Variants in WDR45B observed in about 807,000 individuals in gnomAD.
The protein encoded by WDR45B is WD repeat domain phosphoinositide-interacting protein 3.
Under a neutral mutation model 44.6 loss-of-function variants are expected in WDR45B, and 20 were observed. That is an observed-to-expected ratio of 0.45 (90% CI 0.32 to 0.65). The LOEUF (loss-of-function observed/expected upper bound fraction) is 0.65. Among genes scored for constraint, WDR45B ranks in the 30% least tolerant of loss-of-function variants. The probability of loss-of-function intolerance (pLI) is 0.05; values close to 1 mark genes in which losing one functional copy is unlikely to be tolerated. For missense variants in WDR45B, 323 were observed against 430.2 expected, an observed-to-expected ratio of 0.75 and a Z score of 2.20; for synonymous variants, 169 against 164.9, an observed-to-expected ratio of 1.02 and a Z score of -0.19.
At chr17:82,634,100 G>A (rs574731373) in intron 2 of WDR45B, among the ~76,000 whole-genome samples, 28 of 127,350 alleles carry the variant, frequency 2.2e-4, no homozygotes, top group African/African-American at 7.6e-4. Context: ...GCAGTGAGCC[G>A]AGATTGTGAC....
rs2045552418 is a variant in WDR45B at position 82,617,455 on chromosome 17, TTAACCCA to T, written c.705-65_705-59del. ...TGTGGATGTGGAGGAGTCCAGAGAC[TTAACCCA>T]CAGCACTTGTCGACACTGTGGAACA... On this transcript the variant is annotated intron_variant, in intron 7 of 9. Coordinates refer to ENST00000392325, the MANE Select transcript of WDR45B (RefSeq NM_019613.4). 11 of 1,550,794 alleles carry T rather than the reference TTAACCCA, an allele frequency of 7.1e-6. No homozygotes were observed. The South Asian group carries it at 1.2e-4, about 18-fold the overall frequency.
chr17:82,618,985 C>T, intron 7 of WDR45B, 58 bp downstream of exon 7: 1 of 1,548,738 alleles, frequency 6.5e-7, no homozygotes, highest in Non-Finnish European at 8.9e-7. Context: ...ATCCCAAAGG[C>T]CCACTTCCGT....
intron 2 of WDR45B, chr17:82,636,596 G>T (rs1040332711): frequency 3.3e-5 from 5 of 151,978 alleles, no homozygotes; most frequent in Non-Finnish European, 7.3e-5. Flanking sequence ...AGATCCCAAG[G>T]GCTGGTACTG....
At chr17:82,648,183 G>GAA in intron 1 of WDR45B, 91 bp downstream of exon 1, 1 of 1,446,976 alleles carries the variant, frequency 6.9e-7, no homozygotes, top group African/African-American at 1.5e-5. Context: ...GGCCTGGCCG[G>GAA]AAAGGGGCGC....
chr17:82,635,532 T>C (rs576790199), intron 2 of WDR45B, among the ~76,000 whole-genome samples: 3 of 151,314 alleles, frequency 2.0e-5, no homozygotes, highest in African/African-American at 7.3e-5. Flanking sequence ...TTCAAGTGAT[T>C]CTCCTGCCTC....
chr17:82,648,352 G>A lies in WDR45B; in HGVS notation c.-12C>T, dbSNP rs376702994. The A allele has an allele frequency of 3.7e-6, 6 of 1,604,516 alleles. No homozygotes were observed. The highest frequency in any genetic ancestry group is 5.1e-6 in the Non-Finnish European group (6 of 1,177,210). On this transcript the variant is annotated 5_prime_UTR_variant, in exon 1 of 10. Coordinates refer to ENST00000392325, the MANE Select transcript of WDR45B (RefSeq NM_019613.4). ...GGCAGGAGGTTCATGGCGCCGCCGTGCTGGGTCGCCGCTCCTCAGCGCTGC... is the reference window on the plus strand; with the variant it reads ...GGCAGGAGGTTCATGGCGCCGCCGTACTGGGTCGCCGCTCCTCAGCGCTGC...
intron 5 of WDR45B, 123 bp from the exon 6 acceptor site, chr17:82,621,922 C>A (rs1184425199): frequency 1.8e-6 from 2 of 1,123,806 alleles, no homozygotes; most frequent in Non-Finnish European, 2.6e-6. Flanking sequence ...ATCAGAACCA[C>A]AAATTCAATT....
At chr17:82,631,164 C>T in intron 2 of WDR45B, 142 bp from the exon 3 acceptor site, 1 of 772,624 alleles carries the variant, frequency 1.3e-6, no homozygotes, top group Non-Finnish European at 2.1e-6. Flanking sequence ...GTTGCCCAGG[C>T]TGGAATGCAG....
At position 82,625,568 on chromosome 17, in the gene WDR45B, T is replaced by C. The variant is rs553581336; in HGVS notation, c.333-85A>G. On this transcript the variant is annotated intron_variant, in intron 4 of 9. Transcript: ENST00000392325. ...GCTCCTGTTCTTATCATACTGAAAC[T>C]GAGAAACACTGAAAATACCACACAG... 9.7e-6 allele frequency: 12 copies of C among 1,233,504 alleles called. No individual in the cohort carries two copies. In the African/African-American group the frequency reaches 1.6e-4, roughly 17 times the overall value. The allele number at this position is 1,233,504 out of a possible 1,614,324, so 76.4% of individuals were successfully genotyped here.
chr17:82,617,924 TTTTC>T (rs1360121619), intron 7 of WDR45B, among the ~76,000 whole-genome samples: 17 of 150,816 alleles, frequency 1.1e-4, no homozygotes, highest in Non-Finnish European at 1.6e-4. Context: ...ATTAATTACA[TTTTC>T]TTTCTTTTTT....
intron 1 of WDR45B, 156 bp from the exon 2 acceptor site, chr17:82,644,179 GT>G: frequency 1.4e-6 from 1 of 720,798 alleles, no homozygotes; most frequent in Non-Finnish European, 2.5e-6. Context: ...TTGTACAAAT[GT>G]TACTAAGTGA....
At chr17:82,626,530 TC>T (rs2045699725) in intron 4 of WDR45B, among the ~76,000 whole-genome samples, 1 of 29,402 alleles carries the variant, frequency 3.4e-5, no homozygotes, top group African/African-American at 2.9e-4. Flanking sequence ...AGACTCTATC[TC>T]CCAAAAAAAA....
At chr17:82,619,427 C>T (rs555839911) in intron 6 of WDR45B, among the ~76,000 whole-genome samples, 2 of 152,232 alleles carry the variant, frequency 1.3e-5, no homozygotes, top group Admixed American at 1.3e-4. Flanking sequence ...GGCTGAGACC[C>T]AGGAGGAACA....
chr17:82,630,725 G>A (rs1276343213), intron 3 of WDR45B, among the ~76,000 whole-genome samples, 196 bp downstream of exon 3: 4 of 152,286 alleles, frequency 2.6e-5, no homozygotes, highest in Admixed American at 6.5e-5. Flanking sequence ...CAATGCAAGC[G>A]AGTGATGCTC....
At chr17:82,636,209 C>T (rs1050969530) in intron 2 of WDR45B, among the ~76,000 whole-genome samples, 7 of 143,686 alleles carry the variant, frequency 4.9e-5, no homozygotes, top group African/African-American at 1.1e-4. Flanking sequence ...TGCAGTGAGC[C>T]GAGATCACGC....
intron 3 of WDR45B, chr17:82,629,681 T>G: frequency 1.0e-6 from 1 of 985,250 alleles, no homozygotes; most frequent in Non-Finnish European, 1.2e-6. Context: ...CTCACCCGAG[T>G]GTGGTCTCTC....
At chr17:82,620,699 T>G (rs1232374626) in intron 6 of WDR45B, among the ~76,000 whole-genome samples, 1 of 152,170 alleles carries the variant, frequency 6.6e-6, no homozygotes, top group African/African-American at 2.4e-5. Flanking sequence ...GGGTTTGCAG[T>G]CTTCAATGAA....
intron 1 of WDR45B, among the ~76,000 whole-genome samples, chr17:82,645,677 T>C (rs2045966563): frequency 6.6e-6 from 1 of 152,198 alleles, no homozygotes; most frequent in Non-Finnish European, 1.5e-5. Context: ...TGTGAACATA[T>C]GGTCACTGAG....
At chr17:82,626,533 CAA>C (rs562186058) in intron 4 of WDR45B, among the ~76,000 whole-genome samples, 5 of 79,450 alleles carry the variant, frequency 6.3e-5, no homozygotes, top group African/African-American at 7.3e-5. Context: ...CTCTATCTCC[CAA>C]AAAAAAAAAA....
Sources: gnomAD v4.1 joint callset for allele counts (sites outside exome capture counted in the v4.1 genomes callset) on GRCh38, gnomAD v4.1.1 for gene constraint, MANE v1.5 for transcripts, NCBI Gene and HGNC (gene_info 2026-07-23, HGNC 2026-07-21) for gene names.